Variants in FMN2 observed in about 807,000 individuals in gnomAD.
FMN2 encodes the protein formin-2.
Under a neutral mutation model 142.3 loss-of-function variants are expected in FMN2, and 51 were observed. That is an observed-to-expected ratio of 0.36 (90% CI 0.29 to 0.45). The LOEUF (loss-of-function observed/expected upper bound fraction) is 0.45. Among genes scored for constraint, FMN2 ranks in the 20% least tolerant of loss-of-function variants. The pLI is 1.00. For synonymous variants in FMN2, 882 were observed against 869.8 expected (o/e 1.01, Z -0.25); for missense variants, 1,936 against 2,122.8 (o/e 0.91, Z 1.73).
chr1:240,173,690 T>A (rs137873306), intron 2 of FMN2, among the ~76,000 whole-genome samples: 1 of 152,226 alleles, frequency 6.6e-6, no homozygotes, highest in East Asian at 1.9e-4. Flanking sequence ...GGAGGAACCA[T>A]GGAAGAAATC....
At chr1:240,246,703 A>T (rs1200175167) in intron 6 of FMN2, among the ~76,000 whole-genome samples, 1 of 152,184 alleles carries the variant, frequency 6.6e-6, no homozygotes, top group Non-Finnish European at 1.5e-5. Context: ...TTTGAGAAAT[A>T]CTGCTTTATT....
chr1:240,474,149 A>G lies in FMN2; in HGVS notation c.5164A>G (p.Thr1722Ala), dbSNP rs1274259306. ...TCAGAAAGCAAAGATAAGCATGAAA[A>G]CTTGAACAATGAAAAGCAGAATGAA... is the stretch of plus-strand genomic sequence containing the variant. ...SGIKAKISMK[T>A] Residue 1722 changes from threonine to alanine, a missense_variant, in exon 18 of 18, where the codon ACT (threonine) becomes GCT (alanine). Physicochemically the swap from Thr to Ala is moderately conservative, Grantham distance 58. This residue lies in a region of FMN2 where 322 missense variants were observed against 401.6 expected (regional missense o/e 0.80). Transcript: ENST00000319653. 1 of 1,556,636 alleles carries G rather than the reference A, an allele frequency of 6.4e-7. No homozygotes were observed. Among genetic ancestry groups the G allele is most frequent in the Non-Finnish European group, 8.6e-7 (1 of 1,160,540 alleles).
rs59692947 is a variant in FMN2 at position 240,095,386 on chromosome 1, T to TACACACACACAC, written c.1615+1676_1615+1687dup. Reference sequence around the variant, plus strand: ...ATACATTTGTAAGCATATATGTGCATACACACACACACACACACACACACA... The same window carrying TACACACACACAC: ...ATACATTTGTAAGCATATATGTGCATACACACACACACACACACACACACACACACACACACA... On this transcript the variant is annotated intron_variant, in intron 1 of 17. Transcript: ENST00000319653. Among the ~76,000 whole-genome samples the TACACACACACAC allele has an allele frequency of 3.3e-3, 490 of 149,860 alleles. 6 individuals carry two copies. The highest frequency in any genetic ancestry group is 0.011 in the African/African-American group (438 of 40,776).
chr1:240,313,915 A>G (rs765926320), intron 8 of FMN2, among the ~76,000 whole-genome samples: 8 of 152,152 alleles, frequency 5.3e-5, no homozygotes, highest in Non-Finnish European at 1.0e-4. Context: ...TGGAGGTTGC[A>G]GTGAGCCAAG....
chr1:240,149,914 TC>T (rs972009765), intron 2 of FMN2, among the ~76,000 whole-genome samples: 6 of 152,326 alleles, frequency 3.9e-5, no homozygotes, highest in African/African-American at 1.2e-4. Context: ...GTGTTTTTTT[TC>T]CCCTGAGTAC....
chr1:240,126,107 A>T (rs74149336), intron 2 of FMN2, among the ~76,000 whole-genome samples: 4,037 of 152,300 alleles, frequency 0.027, 163 homozygotes, highest in African/African-American at 0.092. Context: ...TTGGATGCGC[A>T]GTCAAGGAGT....
intron 4 of FMN2, among the ~76,000 whole-genome samples, chr1:240,205,757 G>A (rs375314200): frequency 4.6e-5 from 7 of 151,834 alleles, no homozygotes; most frequent in South Asian, 2.1e-4. Context: ...CACCACGCCC[G>A]GCCAATGCCC....
intron 3 of FMN2, among the ~76,000 whole-genome samples, chr1:240,187,848 GCTT>G (rs1665543869): frequency 6.6e-6 from 1 of 152,152 alleles, no homozygotes; most frequent in Non-Finnish European, 1.5e-5. Context: ...TGGTGAAGTG[GCTT>G]CTATCGTGAT....
In FMN2 at chr1:240,294,845, G is replaced by A. The variant is rs748644976; in HGVS notation, c.4177G>A (p.Val1393Met). Residue 1393 changes from valine (V) to methionine (M), a missense_variant, in exon 8 of 18, where the codon GTG (valine) becomes ATG (methionine). By Grantham distance (21) the Val-to-Met change is conservative. Coordinates refer to ENST00000319653, the MANE Select transcript of FMN2 (RefSeq NM_020066.5). ...QHAVVNLDNS[V>M]VDLETLQALY... ...AGCTGTTGTGAACTTGGATAATTCT[G>A]TGGTTGACCTGGAGACCCTTCAAGC... is the stretch of plus-strand genomic sequence containing the variant. 10 of 1,614,004 alleles carry A rather than the reference G, an allele frequency of 6.2e-6. No homozygotes were observed. The highest frequency in any genetic ancestry group is 6.8e-6 in the Non-Finnish European group (8 of 1,179,920).
chr1:240,319,389 T>G (rs1030390989), intron 8 of FMN2, among the ~76,000 whole-genome samples: 1 of 152,194 alleles, frequency 6.6e-6, no homozygotes, highest in Non-Finnish European at 1.5e-5. Context: ...AGAACACTGG[T>G]TCCTTGGGGG....
chr1:240,107,348 C>G (rs1178422737), intron 1 of FMN2, among the ~76,000 whole-genome samples: 1 of 152,128 alleles, frequency 6.6e-6, no homozygotes, highest in Non-Finnish European at 1.5e-5. Context: ...AAAGTAAGAG[C>G]AGCAGCTGTG....
chr1:240,329,532 AT>A (rs1198719222), intron 10 of FMN2, 64 bp downstream of exon 10: 1 of 1,561,028 alleles, frequency 6.4e-7, no homozygotes, highest in Non-Finnish European at 8.6e-7. Flanking sequence ...CCATGTTCTT[AT>A]TTCAGAAAAG....
chr1:240,098,324 A>G (rs12747677), intron 1 of FMN2, among the ~76,000 whole-genome samples: 60,963 of 150,650 alleles, frequency 0.4, 13,757 homozygotes, highest in Middle Eastern at 0.51. Context: ...CTGGTCTTGA[A>G]CTCCTGACCT....
intron 2 of FMN2, chr1:240,170,120 T>C: frequency 1.6e-6 from 1 of 630,354 alleles, no homozygotes; most frequent in Non-Finnish European, 2.8e-6. Flanking sequence ...ATAATCTAGG[T>C]TCTGCATTAA....
intron 3 of FMN2, among the ~76,000 whole-genome samples, chr1:240,185,623 A>G (rs574315401): frequency 3.3e-5 from 5 of 152,342 alleles, no homozygotes; most frequent in Non-Finnish European, 7.3e-5. Context: ...CTTTACCATC[A>G]GAGCCCAGAA....
chr1:240,374,917 C>G (rs1213320302), intron 14 of FMN2, among the ~76,000 whole-genome samples: 1 of 152,038 alleles, frequency 6.6e-6, no homozygotes, highest in African/African-American at 2.4e-5. Flanking sequence ...ATTTGTAACT[C>G]TTTTTTCACC....
At chr1:240,393,739 A>G (rs572875490) in intron 15 of FMN2, among the ~76,000 whole-genome samples, 2 of 152,350 alleles carry the variant, frequency 1.3e-5, no homozygotes, top group South Asian at 4.1e-4. Context: ...TTAAAAGTCT[A>G]TTTCAATGAA....
At chr1:240,163,861 TTTA>T (rs1324132368) in intron 2 of FMN2, among the ~76,000 whole-genome samples, 2 of 151,836 alleles carry the variant, frequency 1.3e-5, no homozygotes, top group Admixed American at 6.6e-5. Context: ...CCAACTATCT[TTTA>T]TTATTATTAT....
chr1:240,097,417 A>T (rs1376219962), intron 1 of FMN2, among the ~76,000 whole-genome samples: 1 of 149,460 alleles, frequency 6.7e-6, no homozygotes, highest in Non-Finnish European at 1.5e-5. Flanking sequence ...GTGCAGTGGC[A>T]CGACTTCTGC....
Sources: allele counts gnomAD v4.1 joint callset (sites outside exome capture counted in the v4.1 genomes callset), GRCh38; gene constraint gnomAD v4.1.1; regional missense constraint gnomAD v4.1.1; transcripts MANE v1.5; gene names NCBI Gene and HGNC (gene_info 2026-07-23, HGNC 2026-07-21).